Variants in CHRM3 observed in about 807,000 individuals in gnomAD.
CHRM3 encodes the protein cholinergic receptor muscarinic 3.
CHRM3 carries 11 observed loss-of-function variants against 41.8 expected under a neutral mutation model. The observed-to-expected ratio is 0.26, with a 90% confidence interval of 0.17 to 0.44. The LOEUF (loss-of-function observed/expected upper bound fraction) is 0.44. Ranked by LOEUF, CHRM3 falls within the 20% of genes least tolerant of loss-of-function variation. CHRM3 has a pLI of 1.00. For synonymous variants in CHRM3, 297 were observed against 301.4 expected (o/e 0.99, Z 0.15); for missense variants, 571 against 745.4 (o/e 0.77, Z 2.72).
intron 5 of CHRM3, among the ~76,000 whole-genome samples, chr1:239,812,077 T>A (rs1347664183): frequency 6.6e-6 from 1 of 152,214 alleles, no homozygotes; most frequent in Non-Finnish European, 1.5e-5. Context: ...TCTCCCTTTG[T>A]CACCCAGGCT....
chr1:239,823,123 C>G (rs961595445), intron 5 of CHRM3, among the ~76,000 whole-genome samples: 7 of 152,186 alleles, frequency 4.6e-5, no homozygotes, highest in African/African-American at 1.7e-4. Flanking sequence ...CGCACATAAC[C>G]TAATAAGCTC....
In CHRM3 at chr1:239,619,707, G is replaced by A. The variant is rs145130412; in HGVS notation, c.-312-12517G>A. Among the ~76,000 whole-genome samples, 37 of 151,964 alleles carry A rather than the reference G, an allele frequency of 2.4e-4. 1 individual carries two copies. The highest frequency in any genetic ancestry group is 8.4e-4 in the African/African-American group (35 of 41,444). ...TTTTCCCCTTTAAAATTGGTTTCTCGAACCCCCATAAACACCATTATTTGG... is the reference window on the plus strand; with the variant it reads ...TTTTCCCCTTTAAAATTGGTTTCTCAAACCCCCATAAACACCATTATTTGG... On this transcript the variant is annotated intron_variant, in intron 3 of 6. Coordinates refer to ENST00000676153, the MANE Select transcript of CHRM3 (RefSeq NM_001375978.1).
chr1:239,890,607 G>A (rs1002797919), intron 6 of CHRM3, among the ~76,000 whole-genome samples: 1 of 152,130 alleles, frequency 6.6e-6, no homozygotes, highest in Non-Finnish European at 1.5e-5. Context: ...ATGGTGGGCA[G>A]TACCAATTAT....
At chr1:239,686,038 T>A (rs530062370) in intron 5 of CHRM3, among the ~76,000 whole-genome samples, 1 of 151,988 alleles carries the variant, frequency 6.6e-6, no homozygotes, top group African/African-American at 2.4e-5. Flanking sequence ...CCATCACGCC[T>A]CCTGCCACTG....
intron 3 of CHRM3, among the ~76,000 whole-genome samples, chr1:239,582,090 A>T (rs1379609656): frequency 6.6e-6 from 1 of 152,216 alleles, no homozygotes; most frequent in African/African-American, 2.4e-5. Flanking sequence ...GTGAAAGAGC[A>T]CAATGAAGCT....
At chr1:239,511,389 G>A (rs1422998717) in intron 2 of CHRM3, among the ~76,000 whole-genome samples, 3 of 152,056 alleles carry the variant, frequency 2.0e-5, no homozygotes, top group Admixed American at 6.5e-5. Context: ...TTTATAATTC[G>A]CTGTTGCAGC....
At chr1:239,534,267 A>G (rs1657983213) in intron 2 of CHRM3, among the ~76,000 whole-genome samples, 1 of 152,230 alleles carries the variant, frequency 6.6e-6, no homozygotes, top group Non-Finnish European at 1.5e-5. Flanking sequence ...CAGAAGTTGC[A>G]GTGAGCTGAG....
intron 2 of CHRM3, among the ~76,000 whole-genome samples, chr1:239,516,760 C>T (rs1287933330): frequency 3.9e-5 from 6 of 152,164 alleles, no homozygotes; most frequent in Non-Finnish European, 7.4e-5. Flanking sequence ...GTCCAGCGAG[C>T]GAAACGTCTG....
intron 6 of CHRM3, among the ~76,000 whole-genome samples, chr1:239,858,110 C>A (rs530807764): frequency 6.6e-6 from 1 of 152,276 alleles, no homozygotes; most frequent in South Asian, 2.1e-4. Context: ...TCACTTAATT[C>A]ACTTAATGAT....
intron 4 of CHRM3, among the ~76,000 whole-genome samples, chr1:239,651,794 A>C (rs78506362): frequency 0.023 from 3,455 of 152,222 alleles, 142 homozygotes; most frequent in African/African-American, 0.079. Flanking sequence ...CTTCAAGGAC[A>C]GTTAAAAGAT....
chr1:239,479,393 T>C (rs535225188), intron 1 of CHRM3, among the ~76,000 whole-genome samples: 3 of 152,254 alleles, frequency 2.0e-5, no homozygotes, highest in South Asian at 2.1e-4. Flanking sequence ...CACACATCAT[T>C]AGTAGGCGAA....
intron 4 of CHRM3, among the ~76,000 whole-genome samples, chr1:239,644,667 C>T (rs1286004241): frequency 2.6e-5 from 4 of 152,098 alleles, no homozygotes; most frequent in Non-Finnish European, 4.4e-5. Context: ...AGAAGAAAGC[C>T]GGAGTGGACT....
intron 4 of CHRM3, among the ~76,000 whole-genome samples, chr1:239,636,358 T>G (rs1670467747): frequency 6.6e-6 from 1 of 152,234 alleles, no homozygotes; most frequent in Non-Finnish European, 1.5e-5. Flanking sequence ...AGTCAGTCAC[T>G]GTGCCAGGCA....
chr1:239,520,781 T>G (rs1444737883), intron 2 of CHRM3, among the ~76,000 whole-genome samples: 1 of 152,224 alleles, frequency 6.6e-6, no homozygotes, highest in East Asian at 1.9e-4. Flanking sequence ...TTAGGAAGAT[T>G]TGATATTGAC....
intron 5 of CHRM3, among the ~76,000 whole-genome samples, chr1:239,728,226 C>A (rs905315495): frequency 7.2e-5 from 11 of 151,992 alleles, no homozygotes; most frequent in Admixed American, 3.9e-4. Context: ...TCACAACATT[C>A]CCACTGACAG....
chr1:239,490,385 C>G (rs1667477452), intron 1 of CHRM3, among the ~76,000 whole-genome samples: 1 of 152,102 alleles, frequency 6.6e-6, no homozygotes, highest in African/African-American at 2.4e-5. Context: ...AAGGTCAAGT[C>G]TCAGTGGAAG....
chr1:239,844,905 G>GA (rs1259718183), intron 6 of CHRM3, among the ~76,000 whole-genome samples: 2 of 152,286 alleles, frequency 1.3e-5, no homozygotes, highest in East Asian at 3.9e-4. Context: ...TGGAGGAGAA[G>GA]ACGGCCAGAA....
intron 5 of CHRM3, among the ~76,000 whole-genome samples, chr1:239,786,793 C>T (rs1668939263): frequency 6.6e-6 from 1 of 152,124 alleles, no homozygotes; most frequent in African/African-American, 2.4e-5. Context: ...TTTGGGGAAT[C>T]ATGTGCATAG....
At chr1:239,842,932 G>A (rs574082860) in intron 6 of CHRM3, among the ~76,000 whole-genome samples, 1 of 152,200 alleles carries the variant, frequency 6.6e-6, no homozygotes, top group South Asian at 2.1e-4. Context: ...CCAGGACCCT[G>A]CCCCATTGTC....
Sources: gnomAD v4.1 joint callset for allele counts (sites outside exome capture counted in the v4.1 genomes callset) on GRCh38, gnomAD v4.1.1 for gene constraint, MANE v1.5 for transcripts, NCBI Gene and HGNC (gene_info 2026-07-23, HGNC 2026-07-21) for gene names.